Variants in ADAMTSL1 observed in about 807,000 individuals in gnomAD.
ADAMTSL1 encodes ADAMTS-like protein 1.
A neutral mutation model predicts 201.8 loss-of-function variants in ADAMTSL1; 126 were observed. The observed-to-expected ratio is 0.62, with a 90% CI of 0.54 to 0.72. The LOEUF (loss-of-function observed/expected upper bound fraction) is 0.72, where lower values mean the gene tolerates loss of function less well. ADAMTSL1 is among the 30% of genes least tolerant of loss of function. The probability of loss-of-function intolerance (pLI) is 0.00; values close to 1 mark genes in which losing one functional copy is unlikely to be tolerated. For missense variants in ADAMTSL1, 2,679 were observed against 2,277.8 expected (o/e 1.18, Z -3.59); for synonymous variants, 1,121 against 903.4 (o/e 1.24, Z -4.32).
intron 1 of ADAMTSL1, among the ~76,000 whole-genome samples, chr9:18,481,299 C>T (rs1007785988): frequency 7.9e-5 from 12 of 152,114 alleles, no homozygotes; most frequent in African/African-American, 2.7e-4. Flanking sequence ...AATCCCAGCA[C>T]TCTGGGAGGC....
intron 13 of ADAMTSL1, among the ~76,000 whole-genome samples, chr9:18,699,119 C>G (rs1242873868): frequency 6.6e-6 from 1 of 152,120 alleles, no homozygotes; most frequent in Non-Finnish European, 1.5e-5. Context: ...AAAATGTGCT[C>G]TTTAATGCAG....
At chr9:18,313,601 C>T (rs1236742494) in intron 2 of ADAMTSL1, among the ~76,000 whole-genome samples, 1 of 152,092 alleles carries the variant, frequency 6.6e-6, no homozygotes, top group Non-Finnish European at 1.5e-5. Flanking sequence ...TTTGAAAAAT[C>T]AGATATCTAC....
intron 13 of ADAMTSL1, among the ~76,000 whole-genome samples, chr9:18,703,791 T>A (rs1330051369): frequency 6.9e-6 from 1 of 144,804 alleles, no homozygotes; most frequent in Non-Finnish European, 1.5e-5. Context: ...AACAAGTTCA[T>A]GGGGCTTCAG....
chr9:18,220,391 A>T (rs1010543915), intron 2 of ADAMTSL1, among the ~76,000 whole-genome samples: 2 of 152,114 alleles, frequency 1.3e-5, no homozygotes, highest in African/African-American at 2.4e-5. Flanking sequence ...TTTCTTGAAA[A>T]TTATTTTTCC....
intron 1 of ADAMTSL1, among the ~76,000 whole-genome samples, chr9:18,149,083 G>T (rs1310818368): frequency 6.6e-6 from 1 of 152,098 alleles, no homozygotes. Context: ...TAGAGGAATA[G>T]ATGATTGATT....
At chr9:18,054,818 A>C (rs540578441) in intron 1 of ADAMTSL1, among the ~76,000 whole-genome samples, 1 of 152,336 alleles carries the variant, frequency 6.6e-6, no homozygotes, top group Non-Finnish European at 1.5e-5. Context: ...GATGTGGATA[A>C]ATTTAAAAAT....
intron 2 of ADAMTSL1, among the ~76,000 whole-genome samples, chr9:18,412,605 T>A (rs771562060): frequency 1.3e-5 from 2 of 152,216 alleles, no homozygotes; most frequent in African/African-American, 2.4e-5. Flanking sequence ...CCAGTGATGA[T>A]CTATGAGGTG....
At chr9:18,043,503 T>C (rs1220931630) in intron 1 of ADAMTSL1, among the ~76,000 whole-genome samples, 1 of 152,066 alleles carries the variant, frequency 6.6e-6, no homozygotes, top group Non-Finnish European at 1.5e-5. Context: ...GTTATTGCAG[T>C]TCATTGAAAA....
chr9:18,459,689 A>G (rs1188538377), intron 2 of ADAMTSL1, among the ~76,000 whole-genome samples: 2 of 152,218 alleles, frequency 1.3e-5, no homozygotes, highest in Admixed American at 1.3e-4. Flanking sequence ...ACAAAAATTG[A>G]TTCTCAAATC....
intron 4 of ADAMTSL1, among the ~76,000 whole-genome samples, chr9:18,581,210 T>A (rs1157819763): frequency 2.0e-5 from 3 of 152,174 alleles, no homozygotes; most frequent in Non-Finnish European, 2.9e-5. Context: ...CTGCCTCTGT[T>A]ATCAAATGGC....
chr9:17,926,006 C>T (rs2131304950), intron 1 of ADAMTSL1, among the ~76,000 whole-genome samples: 1 of 152,226 alleles, frequency 6.6e-6, no homozygotes. Context: ...TTTCATGTGC[C>T]TATTATTTAG....
intron 2 of ADAMTSL1, among the ~76,000 whole-genome samples, chr9:18,511,153 G>A (rs1421735680): frequency 2.0e-5 from 3 of 152,080 alleles, no homozygotes; most frequent in African/African-American, 7.2e-5. Context: ...CTGCTCTTAG[G>A]TGTGATGTGA....
chr9:18,069,741 G>A (rs943073155), intron 1 of ADAMTSL1, among the ~76,000 whole-genome samples: 1 of 152,160 alleles, frequency 6.6e-6, no homozygotes, highest in East Asian at 1.9e-4. Flanking sequence ...TAGAAGTGAG[G>A]TTATGATAGA....
chr9:18,759,626 C>A (rs1392460769), intron 16 of ADAMTSL1, among the ~76,000 whole-genome samples: 1 of 152,172 alleles, frequency 6.6e-6, no homozygotes, highest in Non-Finnish European at 1.5e-5. Flanking sequence ...TTTGAGGCAG[C>A]AATAAACATA....
chr9:18,070,238 G>T (rs936116428), intron 1 of ADAMTSL1, among the ~76,000 whole-genome samples: 1 of 152,168 alleles, frequency 6.6e-6, no homozygotes, highest in Non-Finnish European at 1.5e-5. Context: ...GCTGAGGGAG[G>T]AAAACATGTC....
chr9:18,283,483 G>A (rs946873896), intron 2 of ADAMTSL1, among the ~76,000 whole-genome samples: 10 of 151,672 alleles, frequency 6.6e-5, no homozygotes, highest in Admixed American at 3.9e-4. Context: ...GTACACACCT[G>A]TAGTCACAGC....
intron 2 of ADAMTSL1, among the ~76,000 whole-genome samples, chr9:18,358,603 A>G (rs1040582181): frequency 1.3e-5 from 2 of 152,174 alleles, no homozygotes; most frequent in African/African-American, 4.8e-5. Flanking sequence ...TTCTAGACAT[A>G]TTATATAAAT....
rs1048927691 is a variant in ADAMTSL1 at position 18,103,027 on chromosome 9, C to T, written c.88-60835C>T. On this transcript the variant is annotated intron_variant, in intron 1 of 29. Transcript: ENST00000680146. ...CTCTTAGTATTCTCCCATCCCTATA[C>T]GTGGGTTCTTATGCCACTTTTATAT... Among the ~76,000 whole-genome samples the T allele has an allele frequency of 5.3e-5, 8 of 152,080 alleles. No individual in the cohort carries two copies. In the East Asian group the frequency reaches 5.8e-4, roughly 11 times the overall value.
At chr9:18,649,508 T>A (rs1254063952) in intron 7 of ADAMTSL1, among the ~76,000 whole-genome samples, 2 of 151,870 alleles carry the variant, frequency 1.3e-5, no homozygotes, top group Non-Finnish European at 2.9e-5. Context: ...TTTCTCCCCA[T>A]CTTTGTGGTT....
Sources: allele counts gnomAD v4.1 joint callset (sites outside exome capture counted in the v4.1 genomes callset), GRCh38; gene constraint gnomAD v4.1.1; transcripts MANE v1.5; gene names NCBI Gene and HGNC (gene_info 2026-07-23, HGNC 2026-07-21).